Variants in PCNX2 observed in about 807,000 individuals in gnomAD.
The protein encoded by PCNX2 is pecanex-like protein 2.
PCNX2 carries 168 observed loss-of-function variants against 223.8 expected under a neutral mutation model. The ratio of observed to expected loss-of-function variants is 0.75; its 90% CI spans 0.66 to 0.85. The LOEUF (loss-of-function observed/expected upper bound fraction) is 0.85, where lower values mean the gene tolerates loss of function less well. Among genes scored for constraint, PCNX2 ranks in the 40% least tolerant of loss-of-function variants. PCNX2 has a pLI of 0.00. For missense variants in PCNX2, 2,507 were observed against 2,675.5 expected (o/e 0.94, Z 1.39); for synonymous variants, 1,006 against 1,052.6 (o/e 0.96, Z 0.86).
chr1:232,987,100 T>C (rs1282319784), intron 32 of PCNX2, among the ~76,000 whole-genome samples: 8 of 152,232 alleles, frequency 5.3e-5, no homozygotes, highest in Non-Finnish European at 1.0e-4. Context: ...AGAATAGCTT[T>C]CCCTTACAGG....
intron 15 of PCNX2, among the ~76,000 whole-genome samples, chr1:233,197,635 T>C (rs544628781): frequency 1.4e-4 from 22 of 152,156 alleles, no homozygotes; most frequent in Non-Finnish European, 3.1e-4. Flanking sequence ...CCCCTTTTTT[T>C]CTGAAAGAAA....
At chr1:233,124,951 C>T (rs1021504110) in intron 21 of PCNX2, among the ~76,000 whole-genome samples, 5 of 152,200 alleles carry the variant, frequency 3.3e-5, no homozygotes, top group Non-Finnish European at 7.3e-5. Flanking sequence ...CAAATACCCA[C>T]ATTTAAATAC....
At chr1:233,175,133 GAC>G (rs930227157) in intron 17 of PCNX2, among the ~76,000 whole-genome samples, 1 of 151,824 alleles carries the variant, frequency 6.6e-6, no homozygotes, top group Non-Finnish European at 1.5e-5. Context: ...AAGAGCTGGA[GAC>G]ACAGAGAAAC....
chr1:233,267,958 C>T (rs1483248331), intron 1 of PCNX2, among the ~76,000 whole-genome samples: 1 of 152,040 alleles, frequency 6.6e-6, no homozygotes, highest in Non-Finnish European at 1.5e-5. Context: ...GTTGTTCAGG[C>T]TGGAGTGCAG....
At chr1:233,119,389 C>T (rs1439501847) in intron 21 of PCNX2, among the ~76,000 whole-genome samples, 4 of 107,010 alleles carry the variant, frequency 3.7e-5, no homozygotes, top group Admixed American at 2.3e-4. Context: ...GAAACCCCGT[C>T]TCTACTAAAA....
intron 32 of PCNX2, among the ~76,000 whole-genome samples, chr1:232,993,423 T>C (rs1255978945): frequency 6.6e-6 from 1 of 152,220 alleles, no homozygotes; most frequent in East Asian, 1.9e-4. Flanking sequence ...CAGCAAAGCA[T>C]TCACAAGGTG....
At chr1:233,260,124 T>C (rs1056984478) in intron 4 of PCNX2, among the ~76,000 whole-genome samples, 1 of 152,168 alleles carries the variant, frequency 6.6e-6, no homozygotes, top group Non-Finnish European at 1.5e-5. Context: ...GTATCTTTTA[T>C]AAGATTTGAC....
chr1:233,245,539 G>A lies in PCNX2; in HGVS notation c.2222+5200C>T, dbSNP rs143893653. Among the ~76,000 whole-genome samples, 256 of 152,280 alleles carry A rather than the reference G, an allele frequency of 1.7e-3. 1 individual carries two copies. The highest frequency in any genetic ancestry group is 6.0e-3 in the African/African-American group (249 of 41,556). On this transcript the variant is annotated intron_variant, in intron 8 of 33. Coordinates refer to ENST00000258229, the MANE Select transcript of PCNX2 (RefSeq NM_014801.4). ...GGGCAGAGGCTGCTTTCCCACTGGA[G>A]GGGGCAGGGCAGAGGCTGACCACAG...
At position 233,001,772 on chromosome 1, in the gene PCNX2, C is replaced by T. The variant is rs562597588; in HGVS notation, c.4953-91G>A. 1.6e-6 allele frequency: 2 copies of T among 1,236,810 alleles called. No homozygotes were observed. The highest frequency in any genetic ancestry group is 2.1e-6 in the Non-Finnish European group (2 of 940,352). 76.6% of individuals were successfully genotyped at this position (1,236,810 alleles called of 1,614,324 possible). A position where few individuals can be genotyped will look rare whatever the true frequency, so the allele number is the denominator to read the frequency against. On this transcript the variant is annotated intron_variant, in intron 28 of 33. Coordinates refer to ENST00000258229, the MANE Select transcript of PCNX2 (RefSeq NM_014801.4). This position sits in a 1 kb window ranked among gnomAD's most constrained non-coding sequence, Gnocchi z 4.2. ...AGTCTCCCATTTGTCTAAGAATTAT[C>T]TTAACATTTAGGCTGATATAGCAAG...
intron 5 of PCNX2, among the ~76,000 whole-genome samples, chr1:233,254,728 G>A: frequency 6.7e-6 from 1 of 148,244 alleles, no homozygotes; most frequent in Admixed American, 6.7e-5. Flanking sequence ...CAAAAATGAA[G>A]TCATAATGCA....
At chr1:233,318,561 T>TTC in the PCNX2 span, among the ~76,000 whole-genome samples, 1 of 112,922 alleles carries the variant, frequency 8.9e-6, no homozygotes, top group African/African-American at 3.6e-5. Flanking sequence ...CTTTTTCTTT[T>TTC]TCTTTTTTTT....
intron 19 of PCNX2, among the ~76,000 whole-genome samples, chr1:233,154,626 A>T (rs934677876): frequency 2.0e-5 from 3 of 152,224 alleles, no homozygotes; most frequent in African/African-American, 7.2e-5. Flanking sequence ...TATCAACGCA[A>T]CATTTAATTA....
intron 1 of PCNX2, among the ~76,000 whole-genome samples, chr1:233,293,221 G>A (rs776222500): frequency 2.0e-4 from 30 of 152,304 alleles, no homozygotes; most frequent in Non-Finnish European, 3.2e-4. Context: ...CATTAAATGC[G>A]AATGTGGTGG....
intron 25 of PCNX2, among the ~76,000 whole-genome samples, chr1:233,044,061 C>T (rs1055252666): frequency 9.9e-5 from 15 of 151,890 alleles, no homozygotes; most frequent in African/African-American, 3.4e-4. Flanking sequence ...ACATCCTCTC[C>T]AGCACCTGTT....
chr1:233,196,954 T>C (rs1366993258), intron 15 of PCNX2, among the ~76,000 whole-genome samples: 1 of 152,164 alleles, frequency 6.6e-6, no homozygotes, highest in Non-Finnish European at 1.5e-5. Flanking sequence ...GTCATGATTG[T>C]GATGGTGGTA....
In PCNX2 at chr1:232,991,309, A is replaced by C. The variant is rs1669689095; in HGVS notation, c.5792-4769T>G. 6.6e-6 allele frequency among the ~76,000 whole-genome samples: 1 copy of C among 151,992 alleles called. No individual in the cohort carries two copies. The highest frequency in any genetic ancestry group is 1.9e-4 in the East Asian group (1 of 5,162). Reference sequence around the variant, plus strand: ...AGCAGCTGAGGGGGCCCTGGAAAGGAGAATGCTTGACACTGTTGAGGGACA... The same window carrying C: ...AGCAGCTGAGGGGGCCCTGGAAAGGCGAATGCTTGACACTGTTGAGGGACA... On this transcript the variant is annotated intron_variant, in intron 32 of 33. Transcript: ENST00000258229. The surrounding 1 kb of genome is among the most constrained non-coding windows in gnomAD (Gnocchi z 4.3).
chr1:233,171,534 C>G (rs1265463445), intron 17 of PCNX2, among the ~76,000 whole-genome samples: 1 of 152,162 alleles, frequency 6.6e-6, no homozygotes, highest in African/African-American at 2.4e-5. Flanking sequence ...TCCATGAGGG[C>G]TCTTGATAAG....
chr1:233,159,126 G>C (rs1200998138), intron 19 of PCNX2, among the ~76,000 whole-genome samples: 1 of 152,134 alleles, frequency 6.6e-6, no homozygotes, highest in East Asian at 1.9e-4. Context: ...AAGTCTCCAA[G>C]GGGAGAGAAG....
At chr1:233,076,593 T>A (rs1673108002) in intron 23 of PCNX2, among the ~76,000 whole-genome samples, 1 of 152,192 alleles carries the variant, frequency 6.6e-6, no homozygotes, top group Admixed American at 6.5e-5. Flanking sequence ...CGGACCTCAC[T>A]TTTCCTTTGC....
Sources: gnomAD v4.1 joint callset for allele counts (sites outside exome capture counted in the v4.1 genomes callset) on GRCh38, gnomAD v4.1.1 for gene constraint, Gnocchi (gnomAD v3.1) non-coding constraint, MANE v1.5 for transcripts, NCBI Gene and HGNC (gene_info 2026-07-23, HGNC 2026-07-21) for gene names.